Variants in USO1 observed in about 807,000 individuals in gnomAD.
The protein encoded by USO1 is general vesicular transport factor p115.
USO1 carries 57 observed loss-of-function variants against 124.5 expected under a neutral mutation model. The observed-to-expected ratio is 0.46, with a 90% CI of 0.37 to 0.57. USO1 has a LOEUF of 0.57. Ranked by LOEUF, USO1 falls within the 20% of genes least tolerant of loss-of-function variation. The pLI, the probability that USO1 is intolerant of heterozygous loss-of-function variation, is 0.00. For missense variants in USO1, 900 were observed against 1,040.6 expected, an observed-to-expected ratio of 0.86 and a Z score of 1.86; for synonymous variants, 369 against 362.8, an observed-to-expected ratio of 1.02 and a Z score of -0.19.
At chr4:75,730,239 A>G (rs760307459) in intron 1 of USO1, among the ~76,000 whole-genome samples, 2 of 152,214 alleles carry the variant, frequency 1.3e-5, no homozygotes, top group Non-Finnish European at 2.9e-5. Context: ...TAAATTATAC[A>G]TGCCGTAGCA....
At position 75,771,152 on chromosome 4, in the gene USO1, A is replaced by G. The variant is rs190394021; in HGVS notation, c.555+15A>G. 7.6e-6 allele frequency: 12 copies of G among 1,588,698 alleles called. No individual in the cohort carries two copies. In the East Asian group the frequency reaches 2.5e-4, roughly 33 times the overall value. ...TACGTAATGATGTAAGTTAAATTTCAAAAAGAAATACAAAAATATGTGGCT... is the reference window on the plus strand; with the variant it reads ...TACGTAATGATGTAAGTTAAATTTCGAAAAGAAATACAAAAATATGTGGCT... On this transcript the variant is annotated intron_variant, in intron 7 of 23. Transcript: ENST00000514213.
chr4:75,736,724 G>A (rs1720803111), intron 1 of USO1, among the ~76,000 whole-genome samples: 1 of 152,124 alleles, frequency 6.6e-6, no homozygotes, highest in East Asian at 1.9e-4. Context: ...CTAATAAACT[G>A]TAAAAGCTTC....
Position 75,724,897 on chromosome 4 carries a change from A to T in USO1, c.66+12A>T. 3.1e-6 allele frequency: 5 copies of T among 1,612,656 alleles called. No individual in the cohort carries two copies. Among genetic ancestry groups the T allele is most frequent in the Non-Finnish European group, 4.2e-6 (5 of 1,179,236 alleles). On this transcript the variant is annotated intron_variant, in intron 1 of 23. Transcript: ENST00000514213. ...CAGAAGCCGAGACGGTGAGAGGAGC[A>T]GCGGGTCTGGGACTTGGGAAGGGGT...
chr4:75,754,347 T>G (rs1373829955), intron 3 of USO1, among the ~76,000 whole-genome samples: 1 of 151,942 alleles, frequency 6.6e-6, no homozygotes, highest in Non-Finnish European at 1.5e-5. Context: ...CCTCCCAAAG[T>G]GCTGGGATTA....
intron 10 of USO1, among the ~76,000 whole-genome samples, chr4:75,788,171 A>ATTTTT (rs11291010): frequency 2.4e-5 from 3 of 123,248 alleles, no homozygotes; most frequent in African/African-American, 6.0e-5. Flanking sequence ...TTATTTATTT[A>ATTTTT]TTTTTTTTTT....
chr4:75,813,780 C>T lies in USO1; in HGVS notation c.*485C>T, dbSNP rs1180551029. 1 of 152,548 alleles carries T rather than the reference C, an allele frequency of 6.6e-6. No individual in the cohort carries two copies. Among genetic ancestry groups the T allele is most frequent in the Non-Finnish European group, 1.5e-5 (1 of 68,350 alleles). The allele number at this position is 152,548 out of a possible 1,614,324, so 9.4% of individuals were successfully genotyped here. ...GCCTGGGTTGGGAGTTAGTGCATAT[C>T]ATCAGCCCTCCATCTAATGTGATTG... On this transcript the variant is annotated 3_prime_UTR_variant, in exon 24 of 24. Coordinates refer to ENST00000514213, the MANE Select transcript of USO1 (RefSeq NM_003715.4).
intron 1 of USO1, among the ~76,000 whole-genome samples, chr4:75,742,057 T>G (rs1373170468): frequency 2.6e-5 from 4 of 152,214 alleles, no homozygotes; most frequent in Non-Finnish European, 5.9e-5. Flanking sequence ...TAATAATGCC[T>G]TCTTCTGGAA....
intron 8 of USO1, among the ~76,000 whole-genome samples, chr4:75,781,811 A>G (rs946862826): frequency 6.6e-6 from 1 of 152,214 alleles, no homozygotes; most frequent in Admixed American, 6.5e-5. Context: ...TATTAGGAAT[A>G]AAAGTGTTGA....
At chr4:75,796,732 G>T (rs940462708) in intron 13 of USO1, among the ~76,000 whole-genome samples, 1 of 151,290 alleles carries the variant, frequency 6.6e-6, no homozygotes, top group African/African-American at 2.4e-5. Context: ...TACAGTTTTA[G>T]CCTCCATTTG....
intron 1 of USO1, among the ~76,000 whole-genome samples, chr4:75,741,053 A>G (rs79017300): frequency 7.9e-4 from 121 of 152,328 alleles, no homozygotes; most frequent in Non-Finnish European, 1.4e-3. Context: ...TTTGTTGTGC[A>G]AACATCCTAG....
chr4:75,782,776 G>C lies in USO1; in HGVS notation c.773G>C (p.Arg258Pro). The change falls in exon 9 of 24, where the codon CGT becomes CCT. Residue 258 changes from arginine (R) to proline (P), a missense_variant. Arg to Pro is a moderately radical substitution (Grantham distance 103). Around this residue, in one of 2 missense-constraint regions of USO1, gnomAD observed 538 missense variants for 681.6 expected, o/e 0.79. Transcript: ENST00000514213. ...TTTAAAGAAGGCTCATATATTCAACGTATGAAACCTTGGTTTGAAGTTGGA... is the reference window on the plus strand; with the variant it reads ...TTTAAAGAAGGCTCATATATTCAACCTATGAAACCTTGGTTTGAAGTTGGA... The part of the protein sequence containing the change: ...NFFKEGSYIQ[R>P]MKPWFEVGDE... 6.3e-7 allele frequency: 1 copy of C among 1,599,466 alleles called. No homozygotes were observed. Among genetic ancestry groups the C allele is most frequent in the Non-Finnish European group, 8.5e-7 (1 of 1,175,176 alleles).
intron 1 of USO1, chr4:75,744,999 G>T: frequency 2.4e-6 from 1 of 425,130 alleles, no homozygotes; most frequent in Non-Finnish European, 4.6e-6. Context: ...TTAAATTTAG[G>T]TCTTTCCGTT....
At chr4:75,763,054 T>C (rs943041569) in intron 4 of USO1, among the ~76,000 whole-genome samples, 22 of 152,254 alleles carry the variant, frequency 1.4e-4, no homozygotes, top group Non-Finnish European at 2.9e-4. Flanking sequence ...TATAAAGCAA[T>C]TTCTTTTCTT....
intron 4 of USO1, among the ~76,000 whole-genome samples, chr4:75,758,286 A>G (rs1015626849): frequency 4.6e-5 from 7 of 152,222 alleles, no homozygotes; most frequent in Non-Finnish European, 5.9e-5. Context: ...TGTCATATCA[A>G]ATTGGCTGTT....
At chr4:75,733,368 G>A (rs1720694325) in intron 1 of USO1, among the ~76,000 whole-genome samples, 1 of 152,210 alleles carries the variant, frequency 6.6e-6, no homozygotes, top group African/African-American at 2.4e-5. Context: ...TCTGTTTTAA[G>A]TTCTTTGAGA....
chr4:75,736,284 G>C (rs1242813934), intron 1 of USO1, among the ~76,000 whole-genome samples: 2 of 65,852 alleles, frequency 3.0e-5, no homozygotes, highest in Non-Finnish European at 6.9e-5. Context: ...ATGGTATACT[G>C]TTTATTGTGT....
intron 4 of USO1, among the ~76,000 whole-genome samples, chr4:75,765,211 A>G (rs1336325156): frequency 1.3e-5 from 2 of 152,220 alleles, no homozygotes; most frequent in African/African-American, 4.8e-5. Context: ...TTCTGAGAGA[A>G]TATTACTTGT....
intron 1 of USO1, among the ~76,000 whole-genome samples, chr4:75,728,699 A>T (rs1054973071): frequency 2.0e-5 from 3 of 152,236 alleles, no homozygotes; most frequent in Admixed American, 6.5e-5. Flanking sequence ...ATATTTTATC[A>T]TAGGATAGTC....
intron 1 of USO1, among the ~76,000 whole-genome samples, chr4:75,734,038 C>T (rs960002523): frequency 8.8e-5 from 13 of 148,550 alleles, no homozygotes; most frequent in Middle Eastern, 3.5e-3. Context: ...CTCTGCCTCC[C>T]GGATTCAAGC....
Sources: gnomAD v4.1 joint callset for allele counts (sites outside exome capture counted in the v4.1 genomes callset) on GRCh38, gnomAD v4.1.1 for gene constraint, gnomAD v4.1.1 regional missense constraint, MANE v1.5 for transcripts, NCBI Gene and HGNC (gene_info 2026-07-23, HGNC 2026-07-21) for gene names.